Variants in PTDSS1 observed in about 807,000 individuals in gnomAD.
PTDSS1 encodes the protein phosphatidylserine synthase 1, also known as PSS-1.
Under a neutral mutation model 70.5 loss-of-function variants are expected in PTDSS1, and 45 were observed. That is an observed-to-expected ratio of 0.64 (90% confidence interval 0.50 to 0.82). The LOEUF is 0.82. PTDSS1 is among the 40% of genes least tolerant of loss of function. The probability of loss-of-function intolerance (pLI) is 0.00; values close to 1 mark genes in which losing one functional copy is unlikely to be tolerated. For missense variants in PTDSS1, 417 were observed against 586.1 expected (o/e 0.71, Z 2.98); for synonymous variants, 188 against 203.8 (o/e 0.92, Z 0.66).
chr8:96,307,605 T>A (rs1180293290), intron 8 of PTDSS1, among the ~76,000 whole-genome samples: 1 of 152,168 alleles, frequency 6.6e-6, no homozygotes, highest in Non-Finnish European at 1.5e-5. Context: ...CAGCAGCCCT[T>A]TGAAACTTCG....
At chr8:96,305,115 CA>C (rs1811104136) in intron 7 of PTDSS1, among the ~76,000 whole-genome samples, 1 of 152,192 alleles carries the variant, frequency 6.6e-6, no homozygotes, top group Non-Finnish European at 1.5e-5. Flanking sequence ...TTTGCCTTAT[CA>C]GGCCCAATGT....
At chr8:96,307,570 A>G (rs1038491200) in intron 8 of PTDSS1, among the ~76,000 whole-genome samples, 9 of 151,916 alleles carry the variant, frequency 5.9e-5, no homozygotes, top group African/African-American at 2.2e-4. Context: ...TTTTGTTATG[A>G]CCAAAATGGA....
At chr8:96,288,403 C>T (rs568912310) in intron 4 of PTDSS1, among the ~76,000 whole-genome samples, 1 of 151,952 alleles carries the variant, frequency 6.6e-6, no homozygotes, top group African/African-American at 2.4e-5. Context: ...CGGCTCACTG[C>T]AGCCTCTGTC....
At chr8:96,300,115 CT>C (rs1367303401) in intron 6 of PTDSS1, among the ~76,000 whole-genome samples, 1 of 152,154 alleles carries the variant, frequency 6.6e-6, no homozygotes, top group African/African-American at 2.4e-5. Flanking sequence ...CACCCCCACT[CT>C]TTTTTATCCC....
chr8:96,326,036 C>G (rs566207680), intron 10 of PTDSS1, among the ~76,000 whole-genome samples: 1 of 152,286 alleles, frequency 6.6e-6, no homozygotes, highest in African/African-American at 2.4e-5. Context: ...ATTATGAAAT[C>G]TGCTTGTGTG....
At chr8:96,278,704 G>A (rs1400168956) in intron 2 of PTDSS1, among the ~76,000 whole-genome samples, 1 of 152,124 alleles carries the variant, frequency 6.6e-6, no homozygotes, top group Non-Finnish European at 1.5e-5. Context: ...TGAGTCTCCA[G>A]TTGGCTGGAG....
At chr8:96,277,578 C>T (rs1397763854) in intron 2 of PTDSS1, among the ~76,000 whole-genome samples, 1 of 152,252 alleles carries the variant, frequency 6.6e-6, no homozygotes, top group Non-Finnish European at 1.5e-5. Flanking sequence ...CCTTCACAGA[C>T]AGTTTTGGGG....
intron 10 of PTDSS1, among the ~76,000 whole-genome samples, chr8:96,327,889 C>CT (rs1300567656): frequency 6.6e-6 from 1 of 152,166 alleles, no homozygotes; most frequent in Non-Finnish European, 1.5e-5. Context: ...AAATCTGAGC[C>CT]TTGACATTTT....
At chr8:96,272,895 T>C (rs927569239) in intron 1 of PTDSS1, among the ~76,000 whole-genome samples, 1 of 152,158 alleles carries the variant, frequency 6.6e-6, no homozygotes, top group South Asian at 2.1e-4. Context: ...GGAAATTGGA[T>C]GTTGAGCCTC....
chr8:96,291,900 A>T (rs776101649), intron 4 of PTDSS1, among the ~76,000 whole-genome samples: 11 of 152,180 alleles, frequency 7.2e-5, no homozygotes, highest in Non-Finnish European at 1.6e-4. Context: ...GCTTTTTATA[A>T]TGTTAAGATT....
chr8:96,308,029 A>G (rs955691399), intron 8 of PTDSS1, among the ~76,000 whole-genome samples: 1 of 152,202 alleles, frequency 6.6e-6, no homozygotes, highest in Non-Finnish European at 1.5e-5. Context: ...TTCTTTGACA[A>G]GTTACTCGGA....
At chr8:96,298,495 A>G (rs751304559) in intron 5 of PTDSS1, among the ~76,000 whole-genome samples, 3 of 152,128 alleles carry the variant, frequency 2.0e-5, no homozygotes, top group Admixed American at 6.5e-5. Flanking sequence ...GGACAAAACA[A>G]ATTGATTTCT....
intron 5 of PTDSS1, among the ~76,000 whole-genome samples, chr8:96,297,323 C>T (rs1400007251): frequency 6.6e-6 from 1 of 152,026 alleles, no homozygotes; most frequent in South Asian, 2.1e-4. Flanking sequence ...AGATTACAGG[C>T]GTGTGCCACC....
At chr8:96,320,627 G>A (rs879833156) in intron 10 of PTDSS1, among the ~76,000 whole-genome samples, 4 of 152,078 alleles carry the variant, frequency 2.6e-5, no homozygotes, top group Non-Finnish European at 4.4e-5. Context: ...GTCTGCATGT[G>A]CTATGCATTT....
chr8:96,267,663 A>C (rs936587261), intron 1 of PTDSS1, among the ~76,000 whole-genome samples: 3 of 152,234 alleles, frequency 2.0e-5, no homozygotes, highest in African/African-American at 7.2e-5. Context: ...GATAACACCA[A>C]AGCTGGTTGA....
chr8:96,305,181 G>A (rs3808480), intron 7 of PTDSS1, among the ~76,000 whole-genome samples: 47,702 of 152,086 alleles, frequency 0.31, 7,585 homozygotes, highest in Non-Finnish European at 0.34. Flanking sequence ...GATGTGTCAA[G>A]GAGAGTAGTA....
chr8:96,323,738 T>G (rs753258563), intron 10 of PTDSS1, among the ~76,000 whole-genome samples: 7 of 152,202 alleles, frequency 4.6e-5, no homozygotes, highest in South Asian at 2.1e-4. Context: ...GGGATCTTCC[T>G]CACATTTTCT....
chr8:96,304,930 G>T (rs1279983313), intron 7 of PTDSS1, among the ~76,000 whole-genome samples: 1 of 152,218 alleles, frequency 6.6e-6, no homozygotes, highest in Non-Finnish European at 1.5e-5. Context: ...GAAAAAATTA[G>T]CAGATGTCAC....
chr8:96,314,763 A>AT (rs1425989149), intron 9 of PTDSS1, among the ~76,000 whole-genome samples: 2 of 151,928 alleles, frequency 1.3e-5, no homozygotes, highest in African/African-American at 2.4e-5. Context: ...CGCCTGGCTA[A>AT]TTTTTTGTAT....
Sources: gnomAD v4.1 joint callset for allele counts (sites outside exome capture counted in the v4.1 genomes callset) on GRCh38, gnomAD v4.1.1 for gene constraint, MANE v1.5 for transcripts, NCBI Gene and HGNC (gene_info 2026-07-23, HGNC 2026-07-21) for gene names.